Variants in TMPRSS12 observed in about 807,000 individuals in gnomAD.
TMPRSS12 encodes transmembrane serine protease 12.
Under a neutral mutation model 26.0 loss-of-function variants are expected in TMPRSS12, and 25 were observed. The observed-to-expected ratio is 0.96, with a 90% CI of 0.70 to 1.34. The LOEUF is 1.34. Among genes scored for constraint, TMPRSS12 ranks in the 40% most tolerant of loss-of-function variants. TMPRSS12 has a pLI of 0.00. For missense variants in TMPRSS12, 441 were observed against 440.1 expected (o/e 1.00, Z -0.02); for synonymous variants, 150 against 161.7 (o/e 0.93, Z 0.55).
intron 1 of TMPRSS12, 27 bp from the exon 2 acceptor site, chr12:50,843,815 C>T (rs1011892432): frequency 7.8e-6 from 12 of 1,544,004 alleles, no homozygotes; most frequent in Non-Finnish European, 1.1e-5. Context: ...ATGCTCAGTC[C>T]AAATAATATA....
intron 2 of TMPRSS12, among the ~76,000 whole-genome samples, chr12:50,856,886 C>T (rs902941322): frequency 1.3e-5 from 2 of 151,790 alleles, no homozygotes; most frequent in African/African-American, 2.4e-5. Flanking sequence ...GACAGGGTTT[C>T]GCCATGTTGC....
chr12:50,868,899 T>G (rs921391118), intron 3 of TMPRSS12, among the ~76,000 whole-genome samples: 1 of 152,102 alleles, frequency 6.6e-6, no homozygotes, highest in Non-Finnish European at 1.5e-5. Flanking sequence ...TGAATAATCA[T>G]TGGGTCAAAA....
intron 3 of TMPRSS12, among the ~76,000 whole-genome samples, chr12:50,884,456 C>T (rs1311509281): frequency 6.6e-6 from 1 of 152,190 alleles, no homozygotes; most frequent in African/African-American, 2.4e-5. Flanking sequence ...AATTTTAAAA[C>T]AGCCTCCCAA....
In TMPRSS12 at chr12:50,887,245, T is replaced by G. The variant is rs1470038302; in HGVS notation, c.796-17T>G. The G allele has an allele frequency of 5.6e-6, 9 of 1,609,860 alleles. No homozygotes were observed. The highest frequency in any genetic ancestry group is 1.6e-4 in the Middle Eastern group (1 of 6,066). On this transcript the variant is annotated splice_polypyrimidine_tract_variant and intron_variant, in intron 4 of 4. Transcript: ENST00000398458. ...ATACTAGAAGTAACAAACACTATTT[T>G]GGGACTTTTTTGACAGGGTGACAGT...
At chr12:50,871,520 T>C (rs117004362) in intron 3 of TMPRSS12, among the ~76,000 whole-genome samples, 10,583 of 152,246 alleles carry the variant, frequency 0.07, 400 homozygotes, top group Middle Eastern at 0.11. Flanking sequence ...AAAACCCTTC[T>C]AGATATTGGC....
At chr12:50,882,027 A>G (rs375798568) in intron 3 of TMPRSS12, among the ~76,000 whole-genome samples, 1 of 116,748 alleles carries the variant, frequency 8.6e-6, no homozygotes, top group Non-Finnish European at 1.7e-5. Flanking sequence ...ATATATATAT[A>G]TATATATATA....
At chr12:50,868,156 AT>A (rs1938008751) in intron 3 of TMPRSS12, among the ~76,000 whole-genome samples, 1 of 152,224 alleles carries the variant, frequency 6.6e-6, no homozygotes, top group Non-Finnish European at 1.5e-5. Flanking sequence ...CAATACTAAC[AT>A]TGAATATAAA....
At chr12:50,872,102 GA>G in intron 3 of TMPRSS12, among the ~76,000 whole-genome samples, 1 of 152,130 alleles carries the variant, frequency 6.6e-6, no homozygotes, top group Admixed American at 6.6e-5. Flanking sequence ...TATCTACCCA[GA>G]AGAAAAGAAG....
At chr12:50,871,752 A>T (rs1938044958) in intron 3 of TMPRSS12, among the ~76,000 whole-genome samples, 1 of 152,202 alleles carries the variant, frequency 6.6e-6, no homozygotes, top group Non-Finnish European at 1.5e-5. Flanking sequence ...AAGCAAAAAA[A>T]ATCCCATCAA....
intron 3 of TMPRSS12, among the ~76,000 whole-genome samples, chr12:50,860,380 A>G (rs1937923167): frequency 1.3e-5 from 2 of 152,092 alleles, no homozygotes; most frequent in African/African-American, 4.8e-5. Flanking sequence ...AGCATTTACC[A>G]TGTTTCAGGC....
chr12:50,844,201 T>A (rs1452924751), intron 2 of TMPRSS12, among the ~76,000 whole-genome samples, 164 bp downstream of exon 2: 1 of 152,048 alleles, frequency 6.6e-6, no homozygotes, highest in African/African-American at 2.4e-5. Flanking sequence ...TTATTTATTA[T>A]TATTATTATT....
chr12:50,874,857 A>AT (rs71086498), intron 3 of TMPRSS12, among the ~76,000 whole-genome samples: 95,127 of 152,010 alleles, frequency 0.63, 29,880 homozygotes, highest in South Asian at 0.69. Flanking sequence ...ATACAAAAAA[A>AT]TCCCTAGGAA....
chr12:50,871,299 T>TG (rs1938040122), intron 3 of TMPRSS12, among the ~76,000 whole-genome samples: 1 of 152,092 alleles, frequency 6.6e-6, no homozygotes, highest in African/African-American at 2.4e-5. Context: ...CCCAAATACT[T>TG]GCAGCCAACT....
chr12:50,866,238 C>A (rs548375232), intron 3 of TMPRSS12, among the ~76,000 whole-genome samples: 1 of 152,216 alleles, frequency 6.6e-6, no homozygotes, highest in Non-Finnish European at 1.5e-5. Flanking sequence ...TAGCCTGGGG[C>A]AAGTTCTCAG....
rs1229121323 is a variant in TMPRSS12 at position 50,887,577 on chromosome 12, G to C, written c.*64G>C. 4.6e-6 allele frequency: 7 copies of C among 1,531,154 alleles called. No individual in the cohort carries two copies. Among genetic ancestry groups the C allele is most frequent in the East Asian group, 2.3e-5 (1 of 44,094 alleles). 94.8% of individuals were successfully genotyped at this position (1,531,154 alleles called of 1,614,324 possible). A position where few individuals can be genotyped will look rare whatever the true frequency, so the allele number is the denominator to read the frequency against. On this transcript the variant is annotated 3_prime_UTR_variant, in exon 5 of 5. Transcript: ENST00000398458. ...TGTCCCTTTCTATGTTCTATATAAT[G>C]AACATCATTTATTCTTCTAGCAATT... is the stretch of plus-strand genomic sequence containing the variant.
intron 3 of TMPRSS12, among the ~76,000 whole-genome samples, chr12:50,863,573 T>C (rs1344887686): frequency 6.6e-6 from 1 of 152,178 alleles, no homozygotes; most frequent in Non-Finnish European, 1.5e-5. Context: ...AGCCTTACCA[T>C]AGAATATAAC....
intron 3 of TMPRSS12, among the ~76,000 whole-genome samples, chr12:50,867,302 A>G (rs1423865967): frequency 6.6e-6 from 1 of 152,258 alleles, no homozygotes; most frequent in Non-Finnish European, 1.5e-5. Context: ...AAACTTCAGG[A>G]AACATTGGAC....
intron 2 of TMPRSS12, among the ~76,000 whole-genome samples, chr12:50,846,510 A>G (rs929059227): frequency 1.3e-5 from 2 of 151,468 alleles, no homozygotes; most frequent in Non-Finnish European, 2.9e-5. Flanking sequence ...ATCTGTCCTT[A>G]TGCTAGTATC....
chr12:50,850,962 A>G (rs2139721093), intron 2 of TMPRSS12, among the ~76,000 whole-genome samples: 1 of 152,262 alleles, frequency 6.6e-6, no homozygotes, highest in African/African-American at 2.4e-5. Context: ...TCCCCCTAAA[A>G]TCACTTAGAA....
Sources: gnomAD v4.1 joint callset for allele counts (sites outside exome capture counted in the v4.1 genomes callset) on GRCh38, gnomAD v4.1.1 for gene constraint, MANE v1.5 for transcripts, NCBI Gene and HGNC (gene_info 2026-07-23, HGNC 2026-07-21) for gene names.